Variants in PCED1B observed in about 807,000 individuals in gnomAD.
The protein encoded by PCED1B is PC-esterase domain containing 1B, also known as PC-esterase domain-containing protein 1B.
For synonymous variants in PCED1B, 251 were observed against 246.1 expected (o/e 1.02, Z -0.19); for missense variants, 573 against 573.9 (o/e 1.00, Z 0.02).
intron 3 of PCED1B, 126 bp from the exon 4 acceptor site, chr12:47,234,881 G>A: frequency 2.1e-6 from 1 of 472,842 alleles, no homozygotes; most frequent in Non-Finnish European, 3.6e-6. Context: ...GGGCACTCCA[G>A]GTCCACTCCC....
At chr12:47,220,648 G>A (rs1347959951) in intron 3 of PCED1B, among the ~76,000 whole-genome samples, 1 of 152,248 alleles carries the variant, frequency 6.6e-6, no homozygotes, top group African/African-American at 2.4e-5. Context: ...GGGGTACAAG[G>A]ATGGGTGAGA....
rs138742695 is a variant in PCED1B, at chr12:47,113,839, G to A, written c.-526+9644G>A. Among the ~76,000 whole-genome samples the A allele has an allele frequency of 7.0e-3, 1,058 of 151,910 alleles. 9 individuals carry two copies. The highest frequency in any genetic ancestry group is 0.024 in the African/African-American group (1,004 of 41,430). ...AGCCTGGCCAACATGACGAAACCCC[G>A]TCTCTACTAAAAATACAAAAATTAG... is the stretch of plus-strand genomic sequence containing the variant. On this transcript the variant is annotated intron_variant, in intron 2 of 3. Transcript: ENST00000546455.
Position 47,233,104 on chromosome 12 carries a change from C to A in PCED1B, c.-57-1903C>A, listed in dbSNP as rs117978723. ...ATTTTTGTATAAAGATGGGGTTTTGCCATGTTGCCCAGGCTGGTCTCGAAC... is the reference window on the plus strand; with the variant it reads ...ATTTTTGTATAAAGATGGGGTTTTGACATGTTGCCCAGGCTGGTCTCGAAC... On this transcript the variant is annotated intron_variant, in intron 3 of 3. Coordinates refer to ENST00000546455, the MANE Select transcript of PCED1B (RefSeq NM_138371.3). Among the ~76,000 whole-genome samples, 716 of 152,114 alleles carry A rather than the reference C, an allele frequency of 4.7e-3. 3 individuals carry two copies. Among genetic ancestry groups the A allele is most frequent in the Non-Finnish European group, 7.2e-3 (492 of 67,984 alleles).
chr12:47,170,090 T>C (rs1941676302), intron 2 of PCED1B, among the ~76,000 whole-genome samples: 1 of 151,992 alleles, frequency 6.6e-6, no homozygotes, highest in African/African-American at 2.4e-5. Flanking sequence ...TAGGGAGTGG[T>C]GATGACTCTT....
At chr12:47,154,570 A>C (rs181274034) in intron 2 of PCED1B, among the ~76,000 whole-genome samples, 1 of 152,238 alleles carries the variant, frequency 6.6e-6, no homozygotes, top group East Asian at 1.9e-4. Context: ...TTGATTCCCC[A>C]GTCAAGTGCC....
At chr12:47,126,543 G>T (rs935222717) in intron 2 of PCED1B, among the ~76,000 whole-genome samples, 13 of 152,124 alleles carry the variant, frequency 8.5e-5, no homozygotes, top group African/African-American at 2.7e-4. Context: ...TTATTCCCCA[G>T]TAATTCCTCT....
chr12:47,175,744 T>C (rs998968153), intron 2 of PCED1B, among the ~76,000 whole-genome samples: 2 of 151,810 alleles, frequency 1.3e-5, no homozygotes. Context: ...CAGCTAATTT[T>C]GTATATTAGT....
chr12:47,126,582 C>T (rs2137331113), intron 2 of PCED1B, among the ~76,000 whole-genome samples: 1 of 152,196 alleles, frequency 6.6e-6, no homozygotes, highest in Non-Finnish European at 1.5e-5. Flanking sequence ...AGTATTATTT[C>T]TTCCTTAAAT....
At chr12:47,186,501 G>A (rs190268625) in intron 2 of PCED1B, among the ~76,000 whole-genome samples, 48 of 152,128 alleles carry the variant, frequency 3.2e-4, no homozygotes, top group Admixed American at 3.0e-3. Flanking sequence ...TTTCACAAGG[G>A]GAGCTTATGT....
rs78313646 is a variant in PCED1B, at chr12:47,179,505, A to G, written c.-525-36717A>G. 4.1e-3 allele frequency among the ~76,000 whole-genome samples: 629 copies of G among 152,352 alleles called. 5 individuals carry two copies. The highest frequency in any genetic ancestry group is 0.014 in the African/African-American group (570 of 41,582). On this transcript the variant is annotated intron_variant, in intron 2 of 3. Transcript: ENST00000546455. ...GCGAAATAATATTTCCAGTTAATCA[A>G]CTTTCCTTTTAAAATGCAGTATTTT... is the stretch of plus-strand genomic sequence containing the variant.
chr12:47,149,254 T>C (rs974261806), intron 2 of PCED1B, among the ~76,000 whole-genome samples: 12 of 152,180 alleles, frequency 7.9e-5, no homozygotes, highest in African/African-American at 2.9e-4. Flanking sequence ...TACACTTCAC[T>C]CACCTTAAGT....
In PCED1B at chr12:47,118,367, A is replaced by G. The variant is rs144247887; in HGVS notation, c.-526+14172A>G. Among the ~76,000 whole-genome samples, 773 of 152,318 alleles carry G rather than the reference A, an allele frequency of 5.1e-3. 4 individuals carry two copies. The highest frequency in any genetic ancestry group is 8.9e-3 in the Non-Finnish European group (603 of 68,032). ...TAATCCATCTTGAACTAATTTTTGT[A>G]TAAGATGTAAGGAAGGGATCTAGTT... On this transcript the variant is annotated intron_variant, in intron 2 of 3. Transcript: ENST00000546455.
intron 1 of PCED1B, among the ~76,000 whole-genome samples, chr12:47,091,903 C>A (rs994933051): frequency 6.6e-6 from 1 of 152,104 alleles, no homozygotes; most frequent in Non-Finnish European, 1.5e-5. Flanking sequence ...GGACAGTTAT[C>A]TGTTCTTGCA....
intron 1 of PCED1B, among the ~76,000 whole-genome samples, chr12:47,084,933 G>C (rs1937907551): frequency 6.6e-6 from 1 of 152,090 alleles, no homozygotes; most frequent in Non-Finnish European, 1.5e-5. Context: ...GTCAGGAGTT[G>C]GGAGACCAGC....
intron 2 of PCED1B, among the ~76,000 whole-genome samples, chr12:47,131,544 C>T (rs1334865318): frequency 6.6e-6 from 1 of 152,078 alleles, no homozygotes; most frequent in Non-Finnish European, 1.5e-5. Context: ...GTTGACACCA[C>T]AGAGCACAAA....
In PCED1B at chr12:47,235,726, G is replaced by A. The variant is rs1264485092; in HGVS notation, c.663G>A (p.Ala221=). 5.6e-6 allele frequency: 9 copies of A among 1,609,884 alleles called. No individual in the cohort carries two copies. The highest frequency in any genetic ancestry group is 6.8e-6 in the Non-Finnish European group (8 of 1,178,400). Residue 221 remains alanine (A), a synonymous_variant, in exon 4 of 4, where the codon GCG becomes GCA. Transcript: ENST00000546455. ...ACTTGCATTTCCACTTCCGCCACGC[G>A]AGGGAGAACCTGCACTGGGACGGGG... ...VLDLHFHFRH[A]RENLHWDGVH...
intron 2 of PCED1B, among the ~76,000 whole-genome samples, chr12:47,134,680 C>A (rs986363599): frequency 3.3e-5 from 5 of 152,108 alleles, no homozygotes; most frequent in Non-Finnish European, 5.9e-5. Flanking sequence ...CCATCCTGGC[C>A]AACAAGGTGA....
chr12:47,116,314 G>A (rs1415155598), intron 2 of PCED1B, among the ~76,000 whole-genome samples: 1 of 152,128 alleles, frequency 6.6e-6, no homozygotes, highest in Admixed American at 6.6e-5. Context: ...TACATAGTCT[G>A]TCAAAGCAAC....
rs538368365 is a variant in PCED1B at position 47,192,715 on chromosome 12, A to G, written c.-525-23507A>G. Among the ~76,000 whole-genome samples the G allele has an allele frequency of 2.0e-5, 3 of 152,274 alleles. No individual in the cohort carries two copies. The South Asian group carries it at 6.2e-4, about 32-fold the overall frequency. On this transcript the variant is annotated intron_variant, in intron 2 of 3. Coordinates refer to ENST00000546455, the MANE Select transcript of PCED1B (RefSeq NM_138371.3). ...ACTCCCAGGGCTCTCCATAGCAATA[A>G]TGGTAATAAAAATAGCAAACATTCA...
Sources: gnomAD v4.1 joint callset for allele counts (sites outside exome capture counted in the v4.1 genomes callset) on GRCh38, gnomAD v4.1.1 for gene constraint, MANE v1.5 for transcripts, NCBI Gene and HGNC (gene_info 2026-07-23, HGNC 2026-07-21) for gene names.